Variants in MEI4 observed in about 807,000 individuals in gnomAD.
MEI4 encodes the protein meiotic double-stranded break formation protein 4, also known as meiosis-specific protein MEI4.
In MEI4, 27 loss-of-function variants were observed where a neutral mutation model predicts 31.4. The observed-to-expected ratio is 0.86, with a 90% CI of 0.63 to 1.19. The LOEUF (loss-of-function observed/expected upper bound fraction) is 1.19, where lower values mean the gene tolerates loss of function less well. Among genes scored for constraint, MEI4 ranks in the 50% most tolerant of loss-of-function variants. The pLI, the probability that MEI4 is intolerant of heterozygous loss-of-function variation, is 0.00. For synonymous variants in MEI4, 122 were observed against 145.4 expected (o/e 0.84, Z 1.16); for missense variants, 329 against 398.9 (o/e 0.82, Z 1.49).
At chr6:77,834,003 G>A (rs752728325) in intron 4 of MEI4, among the ~76,000 whole-genome samples, 11 of 152,144 alleles carry the variant, frequency 7.2e-5, no homozygotes, top group Non-Finnish European at 1.6e-4. Flanking sequence ...TGGTGTATAT[G>A]TGCCACATTT....
intron 4 of MEI4, among the ~76,000 whole-genome samples, chr6:77,895,941 T>C (rs2127733644): frequency 1.3e-5 from 2 of 152,288 alleles, no homozygotes; most frequent in Non-Finnish European, 2.9e-5. Flanking sequence ...ATCAGTATTG[T>C]TTTGTTAAGA....
At chr6:77,665,183 AG>A (rs1426592379) in intron 1 of MEI4, among the ~76,000 whole-genome samples, 1 of 151,484 alleles carries the variant, frequency 6.6e-6, no homozygotes, top group Non-Finnish European at 1.5e-5. Context: ...AGGCACGGAA[AG>A]GGGTCGAGGC....
In MEI4 at chr6:77,731,141, C is replaced by G. The variant is rs866367979; in HGVS notation, c.233-29989C>G. 2.2e-3 allele frequency among the ~76,000 whole-genome samples: 338 copies of G among 151,812 alleles called. 5 individuals are homozygous for G. Among genetic ancestry groups the G allele is most frequent in the African/African-American group, 7.4e-3 (307 of 41,220 alleles). Reference sequence around the variant, plus strand: ...GATTTATAATCCTTTGGGTACATACCCAGTAATGGGATGGCTGGGTCAAAT... The same window carrying G: ...GATTTATAATCCTTTGGGTACATACGCAGTAATGGGATGGCTGGGTCAAAT... On this transcript the variant is annotated intron_variant, in intron 2 of 4. Transcript: ENST00000684080.
At chr6:77,877,113 G>A (rs553175007) in intron 4 of MEI4, among the ~76,000 whole-genome samples, 7 of 152,026 alleles carry the variant, frequency 4.6e-5, no homozygotes, top group East Asian at 3.9e-4. Flanking sequence ...GATAGAAATC[G>A]TAGAAATACC....
rs1212808763 is a variant in MEI4 at position 77,924,070 on chromosome 6, A to AT, written c.*728dup. ...AGTATACAATTAAGTCACTAGACATATTTTATAAATTCTAATATCCATCTA... is the reference window on the plus strand; with the variant it reads ...AGTATACAATTAAGTCACTAGACATATTTTTATAAATTCTAATATCCATCTA... On this transcript the variant is annotated 3_prime_UTR_variant, in exon 5 of 5. Transcript: ENST00000684080. 1 of 151,786 alleles carries AT rather than the reference A, an allele frequency of 6.6e-6. No individual in the cohort carries two copies. Among genetic ancestry groups the AT allele is most frequent in the Non-Finnish European group, 1.5e-5 (1 of 67,826 alleles). The allele number at this position is 151,786 out of a possible 1,614,324, so 9.4% of individuals were successfully genotyped here.
chr6:77,917,836 G>C (rs35991104), intron 4 of MEI4, among the ~76,000 whole-genome samples: 74,620 of 143,510 alleles, frequency 0.52, 21,217 homozygotes, highest in East Asian at 0.74. Flanking sequence ...ACATGAAGTC[G>C]TTGCCCATGC....
chr6:77,743,107 C>T (rs1486004707), intron 2 of MEI4, among the ~76,000 whole-genome samples: 1 of 152,124 alleles, frequency 6.6e-6, no homozygotes, highest in Non-Finnish European at 1.5e-5. Flanking sequence ...GATGCGGGCT[C>T]TTTTTTGGTT....
intron 2 of MEI4, among the ~76,000 whole-genome samples, chr6:77,753,685 C>T (rs1767840718): frequency 1.3e-5 from 2 of 152,162 alleles, no homozygotes; most frequent in Admixed American, 1.3e-4. Flanking sequence ...TTGTGGAAGA[C>T]AGTAGGTCGA....
chr6:77,673,972 A>C (rs947058561), intron 1 of MEI4, among the ~76,000 whole-genome samples: 4 of 152,312 alleles, frequency 2.6e-5, no homozygotes, highest in Non-Finnish European at 5.9e-5. Context: ...TATCCCTTCT[A>C]AAATGTGGAA....
intron 1 of MEI4, among the ~76,000 whole-genome samples, chr6:77,675,586 A>T (rs13194318): frequency 0.051 from 7,729 of 151,664 alleles, 281 homozygotes; most frequent in Non-Finnish European, 0.081. Context: ...ACACCCAGTT[A>T]AAATATCTCT....
chr6:77,780,763 C>A (rs561548341), intron 3 of MEI4, among the ~76,000 whole-genome samples: 3 of 152,072 alleles, frequency 2.0e-5, no homozygotes, highest in Non-Finnish European at 4.4e-5. Flanking sequence ...AATTCGAATT[C>A]TAATATTGTC....
chr6:77,798,980 T>C (rs955150530), intron 3 of MEI4, among the ~76,000 whole-genome samples: 10 of 152,102 alleles, frequency 6.6e-5, no homozygotes, highest in Non-Finnish European at 1.3e-4. Context: ...TATAGCAGCA[T>C]GATTTATAGT....
intron 2 of MEI4, among the ~76,000 whole-genome samples, chr6:77,699,186 TTTC>T (rs1582036251): frequency 2.8e-5 from 3 of 106,164 alleles, no homozygotes; most frequent in South Asian, 3.1e-4. Flanking sequence ...TTTTTCAAAG[TTTC>T]TTTTTTTTTT....
At chr6:77,916,920 C>T (rs1045922996) in intron 4 of MEI4, among the ~76,000 whole-genome samples, 4 of 148,836 alleles carry the variant, frequency 2.7e-5, no homozygotes, top group African/African-American at 5.0e-5. Flanking sequence ...CCCTCCCCCC[C>T]TACCCCCACC....
intron 4 of MEI4, among the ~76,000 whole-genome samples, chr6:77,829,998 T>G (rs1582191834): frequency 6.6e-6 from 1 of 152,216 alleles, no homozygotes; most frequent in East Asian, 1.9e-4. Context: ...TGTTAGATTT[T>G]TTTTAAAAAC....
intron 3 of MEI4, among the ~76,000 whole-genome samples, chr6:77,810,040 A>G (rs1370520288): frequency 1.3e-5 from 2 of 152,142 alleles, no homozygotes; most frequent in African/African-American, 2.4e-5. Context: ...TATGAGACCT[A>G]TGTTGTTGGG....
chr6:77,778,571 G>A (rs1055209554), intron 3 of MEI4, among the ~76,000 whole-genome samples: 6 of 151,916 alleles, frequency 3.9e-5, no homozygotes, highest in South Asian at 4.2e-4. Flanking sequence ...GCGGTATGGC[G>A]AGCGTCTGTA....
intron 2 of MEI4, among the ~76,000 whole-genome samples, chr6:77,750,048 T>C (rs542078583): frequency 6.6e-6 from 1 of 152,254 alleles, no homozygotes; most frequent in Admixed American, 6.5e-5. Context: ...GAAATAAAAT[T>C]CTTTACAGAC....
chr6:77,756,977 T>G (rs1767933887), intron 2 of MEI4, among the ~76,000 whole-genome samples: 2 of 152,172 alleles, frequency 1.3e-5, no homozygotes, highest in South Asian at 4.1e-4. Context: ...TAGAAATCAA[T>G]GAACACTATA....
Sources: gnomAD v4.1 joint callset for allele counts (sites outside exome capture counted in the v4.1 genomes callset) on GRCh38, gnomAD v4.1.1 for gene constraint, MANE v1.5 for transcripts, NCBI Gene and HGNC (gene_info 2026-07-23, HGNC 2026-07-21) for gene names.